The following CWC27 variants were observed in gnomAD, a reference collection of about 807,000 sequenced individuals.
CWC27 encodes the protein CWC27 spliceosome associated cyclophilin, also known as spliceosome-associated protein CWC27 homolog.
CWC27 carries 47 observed loss-of-function variants against 63.6 expected under a neutral mutation model. The ratio of observed to expected loss-of-function variants is 0.74; its 90% confidence interval spans 0.58 to 0.94. CWC27 has a LOEUF of 0.94. CWC27 is among the 40% of genes least tolerant of loss of function. The pLI is 0.00. For synonymous variants in CWC27, 175 were observed against 179.8 expected (o/e 0.97, Z 0.22); for missense variants, 495 against 554.3 (o/e 0.89, Z 1.07).
chr5:64,853,521 T>C (rs1449883265), intron 10 of CWC27, among the ~76,000 whole-genome samples: 2 of 152,238 alleles, frequency 1.3e-5, no homozygotes, highest in Non-Finnish European at 2.9e-5. Context: ...TCCATTCTTA[T>C]GTTGCTATAA....
At chr5:64,966,992 A>G (rs1016187195) in intron 11 of CWC27, among the ~76,000 whole-genome samples, 1 of 152,012 alleles carries the variant, frequency 6.6e-6, no homozygotes, top group Non-Finnish European at 1.5e-5. Context: ...TACATTGCAC[A>G]TATCTTCTTT....
At chr5:64,893,822 C>T (rs1046868188) in intron 11 of CWC27, among the ~76,000 whole-genome samples, 5 of 151,982 alleles carry the variant, frequency 3.3e-5, no homozygotes, top group South Asian at 2.1e-4. Context: ...CTAGCCTTAA[C>T]GAACGTCTTA....
intron 10 of CWC27, among the ~76,000 whole-genome samples, chr5:64,840,138 G>A (rs1006742180): frequency 7.9e-5 from 12 of 151,650 alleles, no homozygotes; most frequent in African/African-American, 2.9e-4. Flanking sequence ...AGTCAGTGTG[G>A]TGGGAAAAAG....
chr5:64,884,002 C>T (rs751979594), intron 10 of CWC27, among the ~76,000 whole-genome samples: 1 of 152,128 alleles, frequency 6.6e-6, no homozygotes, highest in Non-Finnish European at 1.5e-5. Flanking sequence ...AGGCAACATT[C>T]CACATCTAAA....
chr5:64,978,605 GTTTTT>G (rs35721397), intron 13 of CWC27, among the ~76,000 whole-genome samples: 1 of 130,326 alleles, frequency 7.7e-6, no homozygotes, highest in African/African-American at 2.8e-5. Context: ...GGGTTTTTGG[GTTTTT>G]TTTTTTTTTT....
intron 11 of CWC27, among the ~76,000 whole-genome samples, chr5:64,959,698 G>A (rs1236450753): frequency 6.6e-6 from 1 of 152,292 alleles, no homozygotes; most frequent in East Asian, 1.9e-4. Flanking sequence ...TGTATGCTAA[G>A]GGCCCTAAGG....
intron 12 of CWC27, 116 bp from the exon 13 acceptor site, chr5:64,977,019 C>T: frequency 3.7e-6 from 2 of 537,580 alleles, no homozygotes; most frequent in South Asian, 8.3e-5. Flanking sequence ...TGTTCAAAAT[C>T]AAACATTTTG....
chr5:64,952,235 C>T (rs1402944905), intron 11 of CWC27, among the ~76,000 whole-genome samples: 2 of 151,922 alleles, frequency 1.3e-5, no homozygotes, highest in Non-Finnish European at 2.9e-5. Flanking sequence ...AAAAAGTCTG[C>T]ACATGTTTAA....
At chr5:65,004,046 T>C (rs1007413967) in intron 13 of CWC27, among the ~76,000 whole-genome samples, 27 of 152,132 alleles carry the variant, frequency 1.8e-4, no homozygotes, top group Non-Finnish European at 1.8e-4. Flanking sequence ...GGTTTTACCA[T>C]GTTGGCCAGG....
At chr5:64,812,883 A>G (rs1744917012) in intron 10 of CWC27, among the ~76,000 whole-genome samples, 1 of 152,160 alleles carries the variant, frequency 6.6e-6, no homozygotes, top group South Asian at 2.1e-4. Context: ...CGTGCATACA[A>G]AGTGCTATGG....
At chr5:64,884,491 G>A (rs541341462) in intron 10 of CWC27, among the ~76,000 whole-genome samples, 3 of 152,262 alleles carry the variant, frequency 2.0e-5, no homozygotes, top group African/African-American at 7.2e-5. Flanking sequence ...AAGCACTAAA[G>A]GTTCAATCAC....
chr5:64,803,072 G>A (rs4518332), intron 9 of CWC27, among the ~76,000 whole-genome samples: 135,166 of 152,154 alleles, frequency 0.89, 60,060 homozygotes, highest in East Asian at 0.99. Flanking sequence ...GAAAACATTC[G>A]TAATTCCTAC....
chr5:64,853,720 T>C (rs1746191071), intron 10 of CWC27, among the ~76,000 whole-genome samples: 1 of 152,158 alleles, frequency 6.6e-6, no homozygotes, highest in Non-Finnish European at 1.5e-5. Flanking sequence ...AACTCACTCA[T>C]TGTCAGGAGG....
chr5:64,776,470 C>T (rs1037503462), intron 2 of CWC27, among the ~76,000 whole-genome samples: 9 of 151,942 alleles, frequency 5.9e-5, no homozygotes, highest in Non-Finnish European at 8.8e-5. Context: ...TCAATTATTA[C>T]AACAATTATT....
At chr5:64,932,458 AC>A (rs1335524650) in intron 11 of CWC27, among the ~76,000 whole-genome samples, 1 of 152,134 alleles carries the variant, frequency 6.6e-6, no homozygotes, top group Non-Finnish European at 1.5e-5. Context: ...AAGTCTGAAA[AC>A]CACTTCCTTA....
intron 11 of CWC27, among the ~76,000 whole-genome samples, chr5:64,926,532 C>T (rs554408629): frequency 6.6e-6 from 1 of 151,596 alleles, no homozygotes; most frequent in Non-Finnish European, 1.5e-5. Flanking sequence ...TTTCAAGGCA[C>T]GAGAAAGTAT....
intron 8 of CWC27, among the ~76,000 whole-genome samples, chr5:64,800,857 G>A (rs1269409852): frequency 6.6e-6 from 1 of 151,942 alleles, no homozygotes; most frequent in Non-Finnish European, 1.5e-5. Flanking sequence ...AGATAAACTG[G>A]GCCAGTATCT....
At chr5:64,957,410 G>A (rs1478113711) in intron 11 of CWC27, among the ~76,000 whole-genome samples, 1 of 152,118 alleles carries the variant, frequency 6.6e-6, no homozygotes, top group East Asian at 1.9e-4. Flanking sequence ...CACACCATCT[G>A]CAGAAGCACA....
intron 11 of CWC27, among the ~76,000 whole-genome samples, chr5:64,895,800 G>C (rs562636611): frequency 1.4e-4 from 22 of 152,200 alleles, no homozygotes; most frequent in African/African-American, 4.8e-4. Flanking sequence ...TTAAAAACTT[G>C]ATATATTTTA....
Sources: gnomAD v4.1 joint callset for allele counts (sites outside exome capture counted in the v4.1 genomes callset) on GRCh38, gnomAD v4.1.1 for gene constraint, MANE v1.5 for transcripts, NCBI Gene and HGNC (gene_info 2026-07-23, HGNC 2026-07-21) for gene names.